The following GRIK4 variants were observed in gnomAD, a reference collection of about 807,000 sequenced individuals.
GRIK4 encodes glutamate ionotropic receptor kainate type subunit 4, also known as glutamate receptor ionotropic, kainate 4.
Under a neutral mutation model 104.9 loss-of-function variants are expected in GRIK4, and 40 were observed. The ratio of observed to expected loss-of-function variants is 0.38; its 90% CI spans 0.30 to 0.50. GRIK4 has a LOEUF of 0.50. GRIK4 is among the 20% of genes least tolerant of loss of function. The probability of loss-of-function intolerance (pLI) is 0.93; values close to 1 mark genes in which losing one functional copy is unlikely to be tolerated. For missense variants in GRIK4, 1,047 were observed against 1,308.1 expected, an observed-to-expected ratio of 0.80 and a Z score of 3.08; for synonymous variants, 485 against 524.9, an observed-to-expected ratio of 0.92 and a Z score of 1.04.
intron 14 of GRIK4, among the ~76,000 whole-genome samples, chr11:120,941,549 C>G (rs1392856948): frequency 6.6e-6 from 1 of 152,150 alleles, no homozygotes. Flanking sequence ...AATGTGACCT[C>G]ATTTGGAAGT....
At chr11:120,539,198 T>A (rs924175413) in intron 1 of GRIK4, among the ~76,000 whole-genome samples, 1 of 152,184 alleles carries the variant, frequency 6.6e-6, no homozygotes, top group Non-Finnish European at 1.5e-5. Flanking sequence ...TCTTTGGTGA[T>A]GCTGGGTGGT....
intron 14 of GRIK4, among the ~76,000 whole-genome samples, chr11:120,949,093 C>T (rs543608221): frequency 6.6e-6 from 1 of 152,122 alleles, no homozygotes; most frequent in Non-Finnish European, 1.5e-5. Flanking sequence ...TGCATTCTTC[C>T]GAGAATGTCA....
chr11:120,849,272 C>T (rs1374110362), intron 8 of GRIK4, among the ~76,000 whole-genome samples: 2 of 152,132 alleles, frequency 1.3e-5, no homozygotes, highest in Non-Finnish European at 2.9e-5. Context: ...ACCCTGGAGA[C>T]TACTGTGGTT....
intron 8 of GRIK4, among the ~76,000 whole-genome samples, chr11:120,860,137 G>A (rs568176132): frequency 7.2e-4 from 109 of 152,326 alleles, no homozygotes; most frequent in African/African-American, 2.4e-3. Context: ...AGTGGCTGAC[G>A]GGCTAGTCCT....
chr11:120,802,961 G>A (rs1176926366), intron 4 of GRIK4, 104 bp downstream of exon 4: 2 of 999,372 alleles, frequency 2.0e-6, no homozygotes, highest in Non-Finnish European at 3.0e-6. Context: ...GATATCTGAT[G>A]TCGATATTTC....
intron 3 of GRIK4, among the ~76,000 whole-genome samples, chr11:120,732,114 TTTTTGTTTTG>T (rs749161911): frequency 3.3e-5 from 5 of 152,058 alleles, no homozygotes; most frequent in African/African-American, 1.2e-4. Flanking sequence ...CTAGTTCTTG[TTTTTGTTTTG>T]TTTTGTTTTG....
At chr11:120,610,128 G>T (rs1949016044) in intron 1 of GRIK4, among the ~76,000 whole-genome samples, 1 of 152,154 alleles carries the variant, frequency 6.6e-6, no homozygotes, top group South Asian at 2.1e-4. Context: ...GATGCTCGGA[G>T]CAGGAGTCTC....
chr11:120,682,195 T>A (rs747333413), intron 3 of GRIK4, among the ~76,000 whole-genome samples: 2 of 152,188 alleles, frequency 1.3e-5, no homozygotes, highest in Non-Finnish European at 1.5e-5. Context: ...ATGCAAATCC[T>A]GGTGTCTCTC....
intron 3 of GRIK4, among the ~76,000 whole-genome samples, chr11:120,746,251 A>G (rs1190184722): frequency 2.0e-5 from 3 of 151,892 alleles, no homozygotes; most frequent in Non-Finnish European, 4.4e-5. Context: ...AAGAAAAGAG[A>G]TGTGTTCGTT....
At chr11:120,904,393 T>C (rs1351008182) in intron 12 of GRIK4, among the ~76,000 whole-genome samples, 1 of 152,192 alleles carries the variant, frequency 6.6e-6, no homozygotes, top group African/African-American at 2.4e-5. Context: ...GACCTGTTCC[T>C]TTCTGTGCCT....
Position 120,875,257 on chromosome 11 carries a change from C to T in GRIK4, c.1164+14C>T, listed in dbSNP as rs1395621711. The T allele has an allele frequency of 1.3e-6, 2 of 1,522,808 alleles. No homozygotes were observed. The highest frequency in any genetic ancestry group is 1.1e-5 in the South Asian group (1 of 89,198). The allele number at this position is 1,522,808 out of a possible 1,614,324, so 94.3% of individuals were successfully genotyped here. A position where few individuals can be genotyped will look rare whatever the true frequency, so the allele number is the denominator to read the frequency against. ...GGTTTTCGGCAGGTAAGCCTAGCTG[C>T]ACCGTGGTGATGGCAGGTCCTCCTC... On this transcript the variant is annotated intron_variant, in intron 11 of 20. Coordinates refer to ENST00000527524, the MANE Select transcript of GRIK4 (RefSeq NM_014619.5).
In GRIK4 at chr11:120,579,225, ACC is replaced by A. The variant is rs34079806; in HGVS notation, c.-159+67347_-159+67348del. 4.9e-5 allele frequency among the ~76,000 whole-genome samples: 7 copies of A among 142,480 alleles called. No homozygotes were observed. The South Asian group carries it at 9.0e-4, about 18-fold the overall frequency. 93.5% of individuals were successfully genotyped at this position (142,480 alleles called of 152,430 possible). A position where few individuals can be genotyped will look rare whatever the true frequency, so the allele number is the denominator to read the frequency against. On this transcript the variant is annotated intron_variant, in intron 1 of 20. Coordinates refer to ENST00000527524, the MANE Select transcript of GRIK4 (RefSeq NM_014619.5). ...GGAAGTGACAGCACACGACAAAATA[ACC>A]CCCCCCCCTTTTTTTGGATGGATGA...
intron 3 of GRIK4, among the ~76,000 whole-genome samples, chr11:120,682,876 C>T (rs752344969): frequency 1.3e-5 from 2 of 151,956 alleles, no homozygotes; most frequent in Non-Finnish European, 2.9e-5. Flanking sequence ...ACTTTTCCAC[C>T]TCTGTCACTA....
chr11:120,688,294 G>T (rs1257780866), intron 3 of GRIK4, among the ~76,000 whole-genome samples: 1 of 152,170 alleles, frequency 6.6e-6, no homozygotes, highest in African/African-American at 2.4e-5. Context: ...TGGAAGCATT[G>T]ATTGGCCACA....
In GRIK4 at chr11:120,516,975, G is replaced by A. The variant is rs147912365; in HGVS notation, c.-159+5088G>A. Among the ~76,000 whole-genome samples, 753 of 128,836 alleles carry A rather than the reference G, an allele frequency of 5.8e-3. 37 individuals are homozygous for A. Among genetic ancestry groups the A allele is most frequent in the Non-Finnish European group, 9.1e-3 (551 of 60,496 alleles). The allele number at this position is 128,836 out of a possible 152,430, so 84.5% of individuals were successfully genotyped here. On this transcript the variant is annotated intron_variant, in intron 1 of 20. Transcript: ENST00000527524. ...AGTCTTGTGCAGGAACAGGCCTGGG[G>A]CGCGTGCTGCCGGGGGCCAGCTTAA... is the stretch of plus-strand genomic sequence containing the variant.
At chr11:120,582,313 T>A (rs1241920155) in intron 1 of GRIK4, among the ~76,000 whole-genome samples, 1 of 151,788 alleles carries the variant, frequency 6.6e-6, no homozygotes, top group Non-Finnish European at 1.5e-5. Context: ...TGTATATATA[T>A]AAAACTTGTA....
At chr11:120,701,065 A>T (rs1473770005) in intron 3 of GRIK4, among the ~76,000 whole-genome samples, 2 of 152,206 alleles carry the variant, frequency 1.3e-5, no homozygotes, top group African/African-American at 4.8e-5. Context: ...AGGCTATACC[A>T]TCTAGGTTTG....
intron 3 of GRIK4, among the ~76,000 whole-genome samples, chr11:120,746,196 C>T (rs1419075099): frequency 6.6e-6 from 1 of 152,156 alleles, no homozygotes; most frequent in Non-Finnish European, 1.5e-5. Flanking sequence ...GTATTCCTTC[C>T]CTTTCCTCCC....
chr11:120,932,157 A>AT (rs56886847), intron 13 of GRIK4, among the ~76,000 whole-genome samples: 3,710 of 137,970 alleles, frequency 0.027, 73 homozygotes, highest in African/African-American at 0.047. Flanking sequence ...CAATTTTACA[A>AT]TTTTTTTTTT....
Sources: allele counts gnomAD v4.1 joint callset (sites outside exome capture counted in the v4.1 genomes callset), GRCh38; gene constraint gnomAD v4.1.1; transcripts MANE v1.5; gene names NCBI Gene and HGNC (gene_info 2026-07-23, HGNC 2026-07-21).